The following PEBP4 variants were observed in gnomAD, a reference collection of about 807,000 sequenced individuals.
PEBP4 encodes the protein phosphatidylethanolamine binding protein 4.
A neutral mutation model predicts 23.9 loss-of-function variants in PEBP4; 22 were observed. The ratio of observed to expected loss-of-function variants is 0.92; its 90% confidence interval spans 0.66 to 1.31. The LOEUF (loss-of-function observed/expected upper bound fraction) is 1.31, where lower values mean the gene tolerates loss of function less well. Ranked by LOEUF, PEBP4 falls within the 40% of genes most tolerant of loss-of-function variation. PEBP4 has a pLI of 0.00. For synonymous variants in PEBP4, 112 were observed against 99.3 expected (o/e 1.13, Z -0.76); for missense variants, 324 against 281.7 (o/e 1.15, Z -1.07).
At chr8:22,929,542 C>G (rs28478074), upstream of PEBP4, among the ~76,000 whole-genome samples, 1 of 152,212 alleles carries the variant, frequency 6.6e-6, no homozygotes, top group Non-Finnish European at 1.5e-5. Context: ...TCTCCGAATC[C>G]TCATGCCAAT....
At chr8:22,792,283 A>G (rs1806155692) in intron 4 of PEBP4, among the ~76,000 whole-genome samples, 1 of 152,092 alleles carries the variant, frequency 6.6e-6, no homozygotes, top group Non-Finnish European at 1.5e-5. Context: ...TTTGGGTGCA[A>G]TATTCCAAAC....
intron 3 of PEBP4, among the ~76,000 whole-genome samples, chr8:22,875,764 T>C (rs1017203854): frequency 6.6e-6 from 1 of 152,040 alleles, no homozygotes; most frequent in Admixed American, 6.6e-5. Flanking sequence ...CCACCCGCAC[T>C]GTCCAGAAAC....
At chr8:22,898,389 CCCAAAAAAAAAAAAAAAAAAAAAAAAA>C (rs1808635241) in intron 3 of PEBP4, among the ~76,000 whole-genome samples, 1 of 86,688 alleles carries the variant, frequency 1.2e-5, no homozygotes, top group Admixed American at 1.4e-4. Flanking sequence ...AAGACTCCAC[CCCAAAAAAAAAAAAAAAAAAAAAAAAA>C]AAAAAAAAAA....
intron 4 of PEBP4, among the ~76,000 whole-genome samples, chr8:22,783,564 G>C (rs1805970606): frequency 6.6e-6 from 1 of 152,234 alleles, no homozygotes; most frequent in South Asian, 2.1e-4. Context: ...CCAGGATTCA[G>C]CTAGGATCCA....
intron 4 of PEBP4, among the ~76,000 whole-genome samples, chr8:22,740,239 A>C (rs577070902): frequency 6.6e-6 from 1 of 152,346 alleles, no homozygotes; most frequent in East Asian, 1.9e-4. Flanking sequence ...GATGCTGGCG[A>C]GATTTGGAAG....
intron 3 of PEBP4, among the ~76,000 whole-genome samples, chr8:22,895,013 A>T (rs922784972): frequency 2.6e-5 from 4 of 152,336 alleles, no homozygotes; most frequent in Admixed American, 2.0e-4. Context: ...AGACAAGCAC[A>T]AAGTCTGATT....
At chr8:22,909,359 A>AAT (rs1363532459) in intron 3 of PEBP4, among the ~76,000 whole-genome samples, 2 of 152,146 alleles carry the variant, frequency 1.3e-5, no homozygotes, top group African/African-American at 4.8e-5. Context: ...TCGAATGTGT[A>AAT]ATGGCTTCTT....
intron 3 of PEBP4, among the ~76,000 whole-genome samples, chr8:22,848,708 C>T (rs759517509): frequency 1.3e-5 from 2 of 152,092 alleles, no homozygotes; most frequent in African/African-American, 4.8e-5. Flanking sequence ...TTAGTAGTAG[C>T]TGTGGCAAGG....
At chr8:22,887,768 T>G (rs2128773993) in intron 3 of PEBP4, 1 of 152,252 alleles carries the variant, frequency 6.6e-6, no homozygotes, top group South Asian at 2.1e-4. Flanking sequence ...AAGAACGTAT[T>G]TACCGAATGA....
intron 3 of PEBP4, among the ~76,000 whole-genome samples, chr8:22,820,685 T>C (rs1321861621): frequency 6.6e-6 from 1 of 152,066 alleles, no homozygotes; most frequent in East Asian, 1.9e-4. Flanking sequence ...GGAAAAGCAC[T>C]CTCTAGGTAC....
At chr8:22,806,188 C>T (rs141923817) in intron 4 of PEBP4, among the ~76,000 whole-genome samples, 37 of 152,194 alleles carry the variant, frequency 2.4e-4, no homozygotes, top group African/African-American at 8.9e-4. Flanking sequence ...TAGATTAATA[C>T]CTATTAAATT....
At chr8:22,881,808 A>G (rs1001181249) in intron 3 of PEBP4, among the ~76,000 whole-genome samples, 13 of 152,210 alleles carry the variant, frequency 8.5e-5, no homozygotes, top group African/African-American at 2.9e-4. Context: ...GCCACGCTCC[A>G]TTACTACTTG....
At chr8:22,897,523 G>C (rs1002776652) in intron 3 of PEBP4, among the ~76,000 whole-genome samples, 1 of 152,116 alleles carries the variant, frequency 6.6e-6, no homozygotes, top group Non-Finnish European at 1.5e-5. Context: ...AAATACCACC[G>C]AGTATTTTGC....
intron 4 of PEBP4, among the ~76,000 whole-genome samples, chr8:22,751,608 GTCTGTGTGTGTGTGTGTGTC>G (rs1289497159): frequency 3.4e-4 from 44 of 130,658 alleles, no homozygotes; most frequent in South Asian, 8.5e-4. Flanking sequence ...GTGTGTGTGT[GTCTGTGTGTGTGTGTGTGTC>G]TCTGTGTGTG....
intron 6 of PEBP4, among the ~76,000 whole-genome samples, chr8:22,716,912 C>T (rs1408899285): frequency 1.3e-5 from 2 of 152,208 alleles, no homozygotes; most frequent in Admixed American, 1.3e-4. Flanking sequence ...TACCCCCTGC[C>T]CTTGGCGAGT....
At chr8:22,896,853 T>G (rs1380853492) in intron 3 of PEBP4, among the ~76,000 whole-genome samples, 2 of 151,792 alleles carry the variant, frequency 1.3e-5, no homozygotes, top group African/African-American at 4.8e-5. Context: ...ACTGATGTAC[T>G]TGATAGTTTC....
At chr8:22,858,313 G>A (rs1408216503) in intron 3 of PEBP4, among the ~76,000 whole-genome samples, 1 of 152,230 alleles carries the variant, frequency 6.6e-6, no homozygotes. Flanking sequence ...CGTGGCTTAA[G>A]AAAGGAGTTA....
At chr8:22,746,610 TCTC>T (rs1360448301) in intron 4 of PEBP4, among the ~76,000 whole-genome samples, 3 of 148,456 alleles carry the variant, frequency 2.0e-5, no homozygotes, top group Non-Finnish European at 3.0e-5. Context: ...TGTTCCGCCC[TCTC>T]CTCCTCTTCT....
At chr8:22,758,876 C>T (rs1371353353) in intron 4 of PEBP4, among the ~76,000 whole-genome samples, 1 of 152,102 alleles carries the variant, frequency 6.6e-6, no homozygotes, top group East Asian at 1.9e-4. Context: ...AAGGGAGAGG[C>T]CCCCAGGCTG....
Sources: gnomAD v4.1 joint callset for allele counts (sites outside exome capture counted in the v4.1 genomes callset) on GRCh38, gnomAD v4.1.1 for gene constraint, MANE v1.5 for transcripts, NCBI Gene and HGNC (gene_info 2026-07-23, HGNC 2026-07-21) for gene names.